The following XPOT variants were observed in gnomAD, a reference collection of about 807,000 sequenced individuals.
XPOT encodes the protein exportin-T.
A neutral mutation model predicts 128.2 loss-of-function variants in XPOT; 34 were observed. That is an observed-to-expected ratio of 0.27 (90% CI 0.20 to 0.35). XPOT has a LOEUF of 0.35. XPOT is among the 10% of genes least tolerant of loss of function. XPOT has a pLI of 1.00. For synonymous variants in XPOT, 348 were observed against 394.3 expected, an observed-to-expected ratio of 0.88 and a Z score of 1.39; for missense variants, 838 against 1,125.3, an observed-to-expected ratio of 0.74 and a Z score of 3.65.
intron 2 of XPOT, among the ~76,000 whole-genome samples, chr12:64,411,575 G>A (rs1390837111): frequency 6.6e-6 from 1 of 152,176 alleles, no homozygotes; most frequent in African/African-American, 2.4e-5. Context: ...TGTCACATAC[G>A]TGTTTTAAGC....
At chr12:64,428,926 G>A (rs540218978) in intron 16 of XPOT, among the ~76,000 whole-genome samples, 68 of 152,318 alleles carry the variant, frequency 4.5e-4, no homozygotes, top group African/African-American at 1.5e-3. Flanking sequence ...ATGTGTAAGT[G>A]CATGTCACTA....
intron 19 of XPOT, 94 bp downstream of exon 19, chr12:64,433,697 A>C: frequency 7.7e-7 from 1 of 1,298,640 alleles, no homozygotes. Context: ...AAATACAGAA[A>C]TTTTGAAGTT....
chr12:64,423,984 G>C (rs1434322452), intron 11 of XPOT, among the ~76,000 whole-genome samples: 4 of 152,018 alleles, frequency 2.6e-5, no homozygotes, highest in African/African-American at 9.7e-5. Context: ...GTGCTTTCTA[G>C]GTATTCAGTC....
At chr12:64,442,724 C>T (rs1353257501) in intron 23 of XPOT, 1 of 152,550 alleles carries the variant, frequency 6.6e-6, no homozygotes, top group Non-Finnish European at 1.5e-5. Context: ...GTTCCATAAT[C>T]TCCTTATTCA....
At chr12:64,431,285 T>G (rs2040236920) in intron 17 of XPOT, among the ~76,000 whole-genome samples, 1 of 152,160 alleles carries the variant, frequency 6.6e-6, no homozygotes. Context: ...TAGACTCACA[T>G]TAGAAGGATT....
rs994790759 is a variant in XPOT at position 64,404,721 on chromosome 12, A to G, written c.-158A>G. On this transcript the variant is annotated 5_prime_UTR_variant, in exon 1 of 25. Transcript: ENST00000332707. ...CGACAAGGACGAGGGCCGCTCTCCC[A>G]GCTCTCTGCGTGCCGCGCCGCTCCG... is the stretch of plus-strand genomic sequence containing the variant. 6.6e-6 allele frequency: 1 copy of G among 152,466 alleles called. No homozygotes were observed. Among genetic ancestry groups the G allele is most frequent in the African/African-American group, 2.4e-5 (1 of 41,444 alleles). The allele number at this position is 152,466 out of a possible 1,614,324, so 9.4% of individuals were successfully genotyped here.
chr12:64,414,823 C>A, intron 2 of XPOT, 84 bp from the exon 3 acceptor site: 1 of 827,320 alleles, frequency 1.2e-6, no homozygotes, highest in South Asian at 1.5e-5. Context: ...TATAGGTTTG[C>A]AACTCTCAGA....
rs775396429 is a variant in XPOT, at chr12:64,420,567, A to G, written c.843+46A>G. ...CATTGTATGTAAAGTTGTTAGAACA[A>G]ACTGGGATAGGTACTAAGTTAAATA... On this transcript the variant is annotated intron_variant, in intron 8 of 24. Coordinates refer to ENST00000332707, the MANE Select transcript of XPOT (RefSeq NM_007235.6). 5.6e-5 allele frequency: 80 copies of G among 1,440,002 alleles called. No individual in the cohort carries two copies. The Middle Eastern group carries it at 4.3e-3, about 77-fold the overall frequency. 89.2% of individuals were successfully genotyped at this position (1,440,002 alleles called of 1,614,324 possible).
At chr12:64,445,526 C>G (rs1344523115) in intron 24 of XPOT, among the ~76,000 whole-genome samples, 1 of 152,060 alleles carries the variant, frequency 6.6e-6, no homozygotes, top group African/African-American at 2.4e-5. Flanking sequence ...TTTGGGCCAT[C>G]AAGCCTCCTT....
At position 64,447,966 on chromosome 12, in the gene XPOT, C is replaced by T. The variant is rs112778469; in HGVS notation, c.2863-139C>T. 2.9e-3 allele frequency: 2,166 copies of T among 754,718 alleles called. 31 individuals carry two copies. The African/African-American group carries it at 0.033, about 12-fold the overall frequency. 46.8% of individuals were successfully genotyped at this position (754,718 alleles called of 1,614,324 possible). ...AACAGAAAGTTCTTAGCTTGGATTA[C>T]ATACGGATATATAAGGCATGCGAAA... On this transcript the variant is annotated intron_variant, in intron 24 of 24. Coordinates refer to ENST00000332707, the MANE Select transcript of XPOT (RefSeq NM_007235.6).
At chr12:64,405,874 C>T (rs2136005841) in intron 1 of XPOT, among the ~76,000 whole-genome samples, 1 of 152,336 alleles carries the variant, frequency 6.6e-6, no homozygotes, top group South Asian at 2.1e-4. Context: ...CCTCAGCCTC[C>T]CAAAGTGCTG....
At chr12:64,425,989 A>T in intron 15 of XPOT, 80 bp downstream of exon 15, 7 of 1,341,596 alleles carry the variant, frequency 5.2e-6, no homozygotes, top group Non-Finnish European at 7.5e-6. Context: ...AAAGACATGG[A>T]ATCAACCTAG....
chr12:64,440,427 G>A (rs758608877), intron 23 of XPOT, among the ~76,000 whole-genome samples: 2 of 152,216 alleles, frequency 1.3e-5, no homozygotes, highest in Non-Finnish European at 2.9e-5. Flanking sequence ...ACATGGGAAT[G>A]CTAATATGTC....
chr12:64,410,310 A>G (rs998016713), intron 2 of XPOT, among the ~76,000 whole-genome samples: 3 of 152,234 alleles, frequency 2.0e-5, no homozygotes, highest in African/African-American at 4.8e-5. Flanking sequence ...AAAATCTCAT[A>G]TGATTCAAGG....
At chr12:64,406,600 C>G (rs571333267) in intron 1 of XPOT, among the ~76,000 whole-genome samples, 27 of 152,048 alleles carry the variant, frequency 1.8e-4, no homozygotes, top group Non-Finnish European at 2.9e-4. Context: ...AACTCCCGAC[C>G]TCAGTTGATC....
At chr12:64,424,559 C>G in intron 11 of XPOT, 40 bp from the exon 12 acceptor site, 1 of 1,608,176 alleles carries the variant, frequency 6.2e-7, no homozygotes, top group South Asian at 1.1e-5. Context: ...GCCGATCAAC[C>G]CATAAGTTTT....
Position 64,414,970 on chromosome 12 carries a change from C to G in XPOT, c.124C>G (p.Leu42Val), listed in dbSNP as rs752027736. The change falls in exon 3 of 25, where the codon CTA becomes GTA. Residue 42 changes from leucine (L) to valine (V), a missense_variant. By Grantham distance (32) the Leu-to-Val change is conservative. Around this residue, in one of 3 missense-constraint regions of XPOT, gnomAD observed 761 missense variants for 988.3 expected, o/e 0.77. Coordinates refer to ENST00000332707, the MANE Select transcript of XPOT (RefSeq NM_007235.6). ...TGCCTGGCAGGTGTGTGCAGAAGCT[C>G]TAGCCCAGAGGACATACAGGTAATT... ...PDAWQVCAEA[L>V]AQRTYSDDHV... 3.1e-6 allele frequency: 5 copies of G among 1,612,940 alleles called. No individual in the cohort carries two copies. The highest frequency in any genetic ancestry group is 2.2e-5 in the East Asian group (1 of 44,860).
In XPOT at chr12:64,450,506, C is replaced by T. The variant is rs2040402842; in HGVS notation, c.*2375C>T. 1 of 152,146 alleles carries T rather than the reference C, an allele frequency of 6.6e-6. No homozygotes were observed. 9.4% of individuals were successfully genotyped at this position (152,146 alleles called of 1,614,324 possible). On this transcript the variant is annotated 3_prime_UTR_variant, in exon 25 of 25. Transcript: ENST00000332707. Reference sequence around the variant, plus strand: ...TTCCCTTTCAGAGCTCTTTAAAGCTCTGCAGAAGATTTACATGTGTTTATA... The same window carrying T: ...TTCCCTTTCAGAGCTCTTTAAAGCTTTGCAGAAGATTTACATGTGTTTATA...
In XPOT at chr12:64,430,105, A is replaced by T; in HGVS notation, c.1794A>T (p.Thr598=). The part of the protein sequence containing the change: ...SSDDQLFIYE[T]AGVLIVNSEY... ...ATGATCAACTTTTTATTTATGAGAC[A>T]GCTGGAGTGCTGATTGTTAATAGTG... The change falls in exon 17 of 25, where the codon ACA becomes ACT. Residue 598 remains threonine (T), a synonymous_variant. Transcript: ENST00000332707. The T allele has an allele frequency of 6.2e-7, 1 of 1,613,398 alleles. No homozygotes were observed. Among genetic ancestry groups the T allele is most frequent in the Middle Eastern group, 1.7e-4 (1 of 6,046 alleles).
Sources: allele counts gnomAD v4.1 joint callset (sites outside exome capture counted in the v4.1 genomes callset), GRCh38; gene constraint gnomAD v4.1.1; regional missense constraint gnomAD v4.1.1; transcripts MANE v1.5; gene names NCBI Gene and HGNC (gene_info 2026-07-23, HGNC 2026-07-21).